OSBPL5: variants seen among roughly 807,000 people sequenced by gnomAD.
The protein encoded by OSBPL5 is oxysterol-binding protein-related protein 5.
Under a neutral mutation model 111.2 loss-of-function variants are expected in OSBPL5, and 71 were observed. That is an observed-to-expected ratio of 0.64 (90% CI 0.53 to 0.78). The LOEUF (loss-of-function observed/expected upper bound fraction) is 0.78. Ranked by LOEUF, OSBPL5 falls within the 30% of genes least tolerant of loss-of-function variation. OSBPL5 has a pLI of 0.00. For missense variants in OSBPL5, 1,210 were observed against 1,189.3 expected, an observed-to-expected ratio of 1.02 and a Z score of -0.26; for synonymous variants, 549 against 513.9, an observed-to-expected ratio of 1.07 and a Z score of -0.93.
chr11:3,162,380 G>T lies in OSBPL5; in HGVS notation c.-22+2836C>A, dbSNP rs1264281360. Among the ~76,000 whole-genome samples the T allele has an allele frequency of 6.6e-6, 1 of 152,032 alleles. No individual in the cohort carries two copies. The highest frequency in any genetic ancestry group is 1.5e-5 in the Non-Finnish European group (1 of 67,992). ...AGGAATTCTGGATCCCTCTAAGCCA[G>T]CCAAGAAGGCTCATGTCCCACCCCC... On this transcript the variant is annotated intron_variant, in intron 1 of 21. Coordinates refer to ENST00000263650, the MANE Select transcript of OSBPL5 (RefSeq NM_020896.4). The surrounding 1 kb of genome is among the most constrained non-coding windows in gnomAD (Gnocchi z 8.1).
At chr11:3,096,945 AG>A (rs1857275761) in intron 14 of OSBPL5, among the ~76,000 whole-genome samples, 1 of 9,058 alleles carries the variant, frequency 1.1e-4, no homozygotes, top group Non-Finnish European at 2.6e-4. Flanking sequence ...GGAAAGAGGG[AG>A]GAGATGGGAG....
intron 7 of OSBPL5, among the ~76,000 whole-genome samples, chr11:3,108,838 A>G (rs1162936489): frequency 6.6e-6 from 1 of 152,160 alleles, no homozygotes; most frequent in Non-Finnish European, 1.5e-5. Context: ...GCACGATCTC[A>G]GCTCACCGCA....
intron 1 of OSBPL5, among the ~76,000 whole-genome samples, chr11:3,131,508 T>C (rs1266493154): frequency 7.2e-5 from 9 of 124,612 alleles, no homozygotes; most frequent in South Asian, 2.8e-4. Flanking sequence ...TCCTCCCATC[T>C]ATCCATCCAT....
Position 3,088,047 on chromosome 11 carries a change from C to A in OSBPL5, c.*158G>T, listed in dbSNP as rs568643632. The stretch of plus-strand genomic sequence containing the variant: ...TGAGAGGGGCCCAGCACACCTGGGC[C>A]CGCAGCGCCTTGTGGCCCCGGGTCC... On this transcript the variant is annotated 3_prime_UTR_variant, in exon 22 of 22. Coordinates refer to ENST00000263650, the MANE Select transcript of OSBPL5 (RefSeq NM_020896.4). 3.7e-5 allele frequency: 22 copies of A among 592,140 alleles called. No homozygotes were observed. In the South Asian group the frequency reaches 6.2e-4, roughly 17 times the overall value. The allele number at this position is 592,140 out of a possible 1,614,324, so 36.7% of individuals were successfully genotyped here. A position where few individuals can be genotyped will look rare whatever the true frequency, so the allele number is the denominator to read the frequency against.
rs777721276 is a variant in OSBPL5 at position 3,107,410 on chromosome 11, C to T, written c.912G>A (p.Ser304=). 23 of 1,613,966 alleles carry T rather than the reference C, an allele frequency of 1.4e-5. No individual in the cohort carries two copies. The highest frequency in any genetic ancestry group is 6.6e-5 in the South Asian group (6 of 91,084). ...CTGACTCCTCAGGGTTCTCTCTCTC[C>T]GACTTGTCTGAGAATGCATCGTTCT... The part of the protein sequence containing the change: ...SLENDAFSDK[S]ERENPEESDT... Residue 304 remains serine, a synonymous_variant, in exon 9 of 22, where the codon TCG becomes TCA. Coordinates refer to ENST00000263650, the MANE Select transcript of OSBPL5 (RefSeq NM_020896.4). The surrounding 1 kb of genome is among the most constrained non-coding windows in gnomAD (Gnocchi z 6.1).
rs185980557 is a variant in OSBPL5 at position 3,121,612 on chromosome 11, G to A, written c.402+385C>T. Among the ~76,000 whole-genome samples, 6 of 152,262 alleles carry A rather than the reference G, an allele frequency of 3.9e-5. No homozygotes were observed. Among genetic ancestry groups the A allele is most frequent in the African/African-American group, 7.2e-5 (3 of 41,544 alleles). Reference sequence around the variant, plus strand: ...AGGCGAGTGAATGGCCACGGTCTCCGTGAGGTCTGAACACAGGACACCCGG... The same window carrying A: ...AGGCGAGTGAATGGCCACGGTCTCCATGAGGTCTGAACACAGGACACCCGG... On this transcript the variant is annotated intron_variant, in intron 5 of 21. Coordinates refer to ENST00000263650, the MANE Select transcript of OSBPL5 (RefSeq NM_020896.4). The surrounding 1 kb of genome is among the most constrained non-coding windows in gnomAD (Gnocchi z 4.3).
intron 1 of OSBPL5, among the ~76,000 whole-genome samples, chr11:3,144,913 G>A (rs1459488982): frequency 2.6e-5 from 4 of 152,234 alleles, no homozygotes; most frequent in African/African-American, 4.8e-5. Context: ...GTACAGACCC[G>A]GATTCCAAGC....
At chr11:3,103,862 A>AGCCTGTGCC (rs1857593511) in intron 10 of OSBPL5, among the ~76,000 whole-genome samples, 1 of 35,958 alleles carries the variant, frequency 2.8e-5, no homozygotes, top group Admixed American at 2.9e-4. Context: ...CAGTCTGCGC[A>AGCCTGTGCC]GCCCCCTTCC....
At position 3,101,666 on chromosome 11, in the gene OSBPL5, C is replaced by T. The variant is rs370324105; in HGVS notation, c.1459G>A (p.Val487Ile). 1.2e-5 allele frequency: 19 copies of T among 1,613,932 alleles called. No homozygotes were observed. Among genetic ancestry groups the T allele is most frequent in the East Asian group, 2.2e-5 (1 of 44,874 alleles). Residue 487 changes from valine to isoleucine, a missense_variant, in exon 13 of 22, where the codon GTC (valine) becomes ATC (isoleucine). Coordinates refer to ENST00000263650, the MANE Select transcript of OSBPL5 (RefSeq NM_020896.4). ...SHHPPVSAFH[V>I]SNRKDGFCIS... is the part of the protein sequence containing the mutation. ...CAGAAGCCGTCCTTCCGGTTGCTGACGTGGAAGGCAGACACGGGCGGGTGG... is the reference window on the plus strand; with the variant it reads ...CAGAAGCCGTCCTTCCGGTTGCTGATGTGGAAGGCAGACACGGGCGGGTGG...
chr11:3,163,182 G>C (rs972014013), intron 1 of OSBPL5, among the ~76,000 whole-genome samples: 1 of 152,180 alleles, frequency 6.6e-6, no homozygotes. Flanking sequence ...TCTCAGCTGC[G>C]GTCACAGGCT....
chr11:3,108,913 C>T (rs1463423791), intron 7 of OSBPL5, among the ~76,000 whole-genome samples: 1 of 151,716 alleles, frequency 6.6e-6, no homozygotes, highest in African/African-American at 2.4e-5. Context: ...GGATTACAGG[C>T]ATGCACCACC....
At position 3,129,106 on chromosome 11, in the gene OSBPL5, G is replaced by A; in HGVS notation, c.43C>T (p.Pro15Ser). 6.5e-7 allele frequency: 1 copy of A among 1,533,258 alleles called. No homozygotes were observed. Among genetic ancestry groups the A allele is most frequent in the Non-Finnish European group, 8.8e-7 (1 of 1,140,688 alleles). 95.0% of individuals were successfully genotyped at this position (1,533,258 alleles called of 1,614,324 possible). The change falls in exon 2 of 22, where the codon CCA (proline) becomes TCA (serine). Residue 15 changes from proline (P) to serine (S), a missense_variant. Pro to Ser is a moderately conservative substitution (Grantham distance 74). Transcript: ENST00000263650. ...ACTTTCTGAGGGGTGGAGGAAGGTG[G>A]ACACAGGGAGAAGCGGCGCCGGAGG... Reference protein sequence around the residue: ...AFLRRRFSLCPPSSTPQKVDP... With the variant: ...AFLRRRFSLCSPSSTPQKVDP...
At chr11:3,137,052 AAAGGACAGCAGCCATCAT>A (rs1845967853) in intron 1 of OSBPL5, among the ~76,000 whole-genome samples, 1 of 152,176 alleles carries the variant, frequency 6.6e-6, no homozygotes, top group Non-Finnish European at 1.5e-5. Flanking sequence ...GCCATCAGTT[AAAGGACAGCAGCCATCAT>A]GTCAACACCA....
At position 3,121,901 on chromosome 11, in the gene OSBPL5, T is replaced by A; in HGVS notation, c.402+96A>T. Reference sequence around the variant, plus strand: ...TAACGGCTAGATGCAGGGAAGTGAATTTCCATCGTTTCAGGCCACCTGGTT... The same window carrying A: ...TAACGGCTAGATGCAGGGAAGTGAAATTCCATCGTTTCAGGCCACCTGGTT... On this transcript the variant is annotated intron_variant, in intron 5 of 21. Coordinates refer to ENST00000263650, the MANE Select transcript of OSBPL5 (RefSeq NM_020896.4). This position sits in a 1 kb window ranked among gnomAD's most constrained non-coding sequence, Gnocchi z 4.3. 9.0e-7 allele frequency: 1 copy of A among 1,112,618 alleles called. No individual in the cohort carries two copies. The allele number at this position is 1,112,618 out of a possible 1,614,324, so 68.9% of individuals were successfully genotyped here.
intron 1 of OSBPL5, among the ~76,000 whole-genome samples, chr11:3,144,725 C>T (rs7102455): frequency 0.78 from 118,869 of 152,234 alleles, 46,710 homozygotes; most frequent in African/African-American, 0.81. Context: ...ATCCTGCAAG[C>T]CCGGGGTCTG....
At position 3,137,456 on chromosome 11, in the gene OSBPL5, C is replaced by T. The variant is rs765044932; in HGVS notation, c.-21-8287G>A. On this transcript the variant is annotated intron_variant, in intron 1 of 21. Transcript: ENST00000263650. ...GTTCTGTCCCATCTGATATGATTCTCGGAATGCTCGCAAGGTGCGGGGAGC... is the reference window on the plus strand; with the variant it reads ...GTTCTGTCCCATCTGATATGATTCTTGGAATGCTCGCAAGGTGCGGGGAGC... 7.4e-4 allele frequency among the ~76,000 whole-genome samples: 113 copies of T among 152,316 alleles called. 1 individual carries two copies. Among genetic ancestry groups the T allele is most frequent in the Middle Eastern group, 3.4e-3 (1 of 294 alleles).
Position 3,098,495 on chromosome 11 carries a change from ATT to A in OSBPL5, c.1621+1661_1621+1662del, listed in dbSNP as rs552382553. 4.3e-3 allele frequency among the ~76,000 whole-genome samples: 345 copies of A among 81,154 alleles called. 2 individuals carry two copies. Among genetic ancestry groups the A allele is most frequent in the African/African-American group, 5.6e-3 (89 of 15,904 alleles). The allele number at this position is 81,154 out of a possible 152,430, so 53.2% of individuals were successfully genotyped here. A position where few individuals can be genotyped will look rare whatever the true frequency, so the allele number is the denominator to read the frequency against. On this transcript the variant is annotated intron_variant, in intron 14 of 21. Coordinates refer to ENST00000263650, the MANE Select transcript of OSBPL5 (RefSeq NM_020896.4). ...TCAAGCCATAAAAAGACATGAAGGA[ATT>A]TTTTTTTTTTTTTTTTTTTTTTTTG... is the stretch of plus-strand genomic sequence containing the variant.
At chr11:3,151,354 C>A (rs549866851) in intron 1 of OSBPL5, among the ~76,000 whole-genome samples, 13 of 152,292 alleles carry the variant, frequency 8.5e-5, no homozygotes, top group Middle Eastern at 3.4e-3. Context: ...GGGTACAGAG[C>A]TGGGAGCAGG....
chr11:3,122,502 T>G, intron 3 of OSBPL5, 74 bp from the exon 4 acceptor site: 1 of 1,408,308 alleles, frequency 7.1e-7, no homozygotes, highest in East Asian at 2.4e-5. Flanking sequence ...GTTGGCCTGA[T>G]GCCAAGGATA....
Sources: gnomAD v4.1 joint callset for allele counts (sites outside exome capture counted in the v4.1 genomes callset) on GRCh38, gnomAD v4.1.1 for gene constraint, Gnocchi (gnomAD v3.1) non-coding constraint, MANE v1.5 for transcripts, NCBI Gene and HGNC (gene_info 2026-07-23, HGNC 2026-07-21) for gene names.